FAM234A: variants seen among roughly 807,000 people sequenced by gnomAD.
FAM234A encodes family with sequence similarity 234 member A.
A neutral mutation model predicts 49.1 loss-of-function variants in FAM234A; 42 were observed. The observed-to-expected ratio is 0.86, with a 90% CI of 0.67 to 1.11. The LOEUF is 1.11. Ranked by LOEUF, FAM234A falls within the 50% of genes least tolerant of loss-of-function variation. The pLI is 0.00. For missense variants in FAM234A, 815 were observed against 745.2 expected (o/e 1.09, Z -1.09); for synonymous variants, 369 against 316.2 (o/e 1.17, Z -1.77).
chr16:259,999 C>T lies in FAM234A; in HGVS notation c.416C>T (p.Ala139Val), dbSNP rs78001048. Residue 139 changes from alanine to valine, a missense_variant, in exon 5 of 13, where the codon GCT becomes GTT. Physicochemically the swap from Ala to Val is moderately conservative, Grantham distance 64 (BLOSUM62 0). Coordinates refer to ENST00000399932, the MANE Select transcript of FAM234A (RefSeq NM_032039.4). ...GFSSPCTFAA[A>V]VSGANGSTLW... Reference sequence around the variant, plus strand: ...TCCTCTCCCTGCACCTTTGCAGCTGCTGTGTCGGGGGCCAACGGCAGCACG... The same window carrying T: ...TCCTCTCCCTGCACCTTTGCAGCTGTTGTGTCGGGGGCCAACGGCAGCACG... 4.1e-3 allele frequency: 6,551 copies of T among 1,613,646 alleles called. 297 individuals are homozygous for T. In the East Asian group the frequency reaches 0.1, roughly 25 times the overall value.
chr16:239,476 G>A (rs1265701607), intron 1 of FAM234A, among the ~76,000 whole-genome samples: 10 of 150,426 alleles, frequency 6.6e-5, no homozygotes, highest in Admixed American at 2.7e-4. Flanking sequence ...CTAGTCGGAC[G>A]TGGTGGCGGG....
At chr16:259,448 G>A (rs201639174) in intron 3 of FAM234A, 35 bp from the exon 4 acceptor site, 6 of 1,236,910 alleles carry the variant, frequency 4.9e-6, no homozygotes, top group Middle Eastern at 1.9e-4. Context: ...ACCAGGCATG[G>A]CCCGCGGAGT....
chr16:264,880 C>A lies in FAM234A; in HGVS notation c.1517C>A (p.Pro506His), dbSNP rs754058532. Residue 506 changes from proline to histidine, a missense_variant, in exon 13 of 13, where the codon CCC becomes CAC. Physicochemically the swap from Pro to His is moderately conservative, Grantham distance 77. Transcript: ENST00000399932. ...ACAGGCCCGGCAGACTCAGAGGCAC[C>A]CGGCCTGGTCTCTGTGATCAAGCAC... The part of the protein sequence containing the change: ...LLTGPADSEA[P>H]GLVSVIKHKV... 2.7e-5 allele frequency: 44 copies of A among 1,612,604 alleles called. No individual in the cohort carries two copies. The highest frequency in any genetic ancestry group is 3.6e-5 in the Non-Finnish European group (42 of 1,179,984).
downstream of FAM234A, chr16:269,342 C>A: frequency 6.2e-7 from 1 of 1,603,450 alleles, no homozygotes; most frequent in Non-Finnish European, 8.5e-7. Context: ...GAGTGCAGGG[C>A]TGGGGCTCGA....
At chr16:253,182 A>G (rs1247589307) in intron 2 of FAM234A, among the ~76,000 whole-genome samples, 6 of 152,036 alleles carry the variant, frequency 3.9e-5, no homozygotes, top group African/African-American at 9.6e-5. Flanking sequence ...GGTTTCTAAG[A>G]CGGCGACTGC....
At position 241,905 on chromosome 16, in the gene FAM234A, CAAAA is replaced by C. The variant is rs370983209; in HGVS notation, c.-140+7063_-140+7066del. Among the ~76,000 whole-genome samples the C allele has an allele frequency of 3.3e-4, 26 of 79,066 alleles. 1 individual carries two copies. Among genetic ancestry groups the C allele is most frequent in the Non-Finnish European group, 2.6e-4 (9 of 35,240 alleles). The allele number at this position is 79,066 out of a possible 152,430, so 51.9% of individuals were successfully genotyped here. A position where few individuals can be genotyped will look rare whatever the true frequency, so the allele number is the denominator to read the frequency against. On this transcript the variant is annotated intron_variant, in intron 1 of 12. Coordinates refer to ENST00000399932, the MANE Select transcript of FAM234A (RefSeq NM_032039.4). ...TGGGCGACAGAGCGAGACAACGTCT[CAAAA>C]AAAAAAAAAAAAAAGGCAATTAGAA...
At chr16:246,630 AG>A (rs1371496949) in intron 1 of FAM234A, among the ~76,000 whole-genome samples, 98 of 151,066 alleles carry the variant, frequency 6.5e-4, no homozygotes, top group Admixed American at 6.5e-3. Context: ...CGTGTTAGCC[AG>A]GATGGTCTCA....
At chr16:237,935 C>T (rs181249895) in intron 1 of FAM234A, among the ~76,000 whole-genome samples, 98 of 151,992 alleles carry the variant, frequency 6.4e-4, no homozygotes, top group African/African-American at 2.2e-3. Context: ...AACTCCTGGC[C>T]TCAGGTGATC....
At chr16:252,831 G>A (rs947370951) in intron 2 of FAM234A, among the ~76,000 whole-genome samples, 1 of 152,166 alleles carries the variant, frequency 6.6e-6, no homozygotes, top group African/African-American at 2.4e-5. Flanking sequence ...CAGAGGGTGC[G>A]GCTTTCAGCT....
chr16:236,033 A>G (rs1247254472), intron 1 of FAM234A, among the ~76,000 whole-genome samples: 1 of 151,854 alleles, frequency 6.6e-6, no homozygotes, highest in African/African-American at 2.4e-5. Context: ...GGTGCCGGTA[A>G]TCCCAGTTAC....
chr16:269,351 G>C (rs145594617), downstream of FAM234A: 3 of 1,603,444 alleles, frequency 1.9e-6, no homozygotes, highest in African/African-American at 1.3e-5. Context: ...GCTGGGGCTC[G>C]AGTGCCGTGG....
intron 1 of FAM234A, 52 bp from the exon 2 acceptor site, chr16:249,497 A>C (rs1299585208): frequency 6.6e-6 from 1 of 151,962 alleles, no homozygotes; most frequent in African/African-American, 2.4e-5. Flanking sequence ...CTGACCTGCC[A>C]CCTTCGCAGG....
In FAM234A at chr16:264,713, G is replaced by T; in HGVS notation, c.1444G>T (p.Asp482Tyr). The change falls in exon 12 of 13, where the codon GAC becomes TAC. Residue 482 changes from aspartate (D) to tyrosine (Y), a missense_variant. Physicochemically the swap from Asp to Tyr is radical, Grantham distance 160. Coordinates refer to ENST00000399932, the MANE Select transcript of FAM234A (RefSeq NM_032039.4). ...ANVSTHIVAF[D>Y]AVLFEPSRHA... The stretch of plus-strand genomic sequence containing the variant: ...TGTCTCTACCCACATTGTCGCCTTT[G>T]ACGGTGAGTGTGGCCTCGGCCAGGG... 1 of 1,611,346 alleles carries T rather than the reference G, an allele frequency of 6.2e-7. No individual in the cohort carries two copies.
chr16:259,547 T>A lies in FAM234A; in HGVS notation c.333T>A (p.Leu111=). 1 of 1,613,246 alleles carries A rather than the reference T, an allele frequency of 6.2e-7. No homozygotes were observed. Among genetic ancestry groups the A allele is most frequent in the Non-Finnish European group, 8.5e-7 (1 of 1,179,146 alleles). ...ACAGGATCCAAGATGTTCTTTTTCT[T>A]TATAAAAACACCAACAGCAGCAACA... ...NGDRIQDVLF[L]YKNTNSSNNF... Residue 111 remains leucine, a synonymous_variant, in exon 4 of 13, where the codon CTT becomes CTA. Coordinates refer to ENST00000399932, the MANE Select transcript of FAM234A (RefSeq NM_032039.4).
Position 264,861 on chromosome 16 carries a change from C to G in FAM234A, c.1498C>G (p.Pro500Ala). ...RHAAYILLTG[P>A]ADSEAPGLVS... is the part of the protein sequence containing the mutation. Reference sequence around the variant, plus strand: ...CGCCGCCTACATCCTTCTGACAGGCCCGGCAGACTCAGAGGCACCCGGCCT... The same window carrying G: ...CGCCGCCTACATCCTTCTGACAGGCGCGGCAGACTCAGAGGCACCCGGCCT... The change falls in exon 13 of 13, where the codon CCG becomes GCG. Residue 500 changes from proline to alanine, a missense_variant. By Grantham distance (27) the Pro-to-Ala change is conservative. Transcript: ENST00000399932. The G allele has an allele frequency of 1.2e-6, 2 of 1,612,226 alleles. No homozygotes were observed. The highest frequency in any genetic ancestry group is 1.7e-6 in the Non-Finnish European group (2 of 1,179,954).
At chr16:244,854 ATTT>A (rs1203898846) in intron 1 of FAM234A, among the ~76,000 whole-genome samples, 1 of 147,274 alleles carries the variant, frequency 6.8e-6, no homozygotes, top group African/African-American at 2.5e-5. Context: ...CGCCCGGCTA[ATTT>A]TTTTTTGTAT....
At chr16:242,836 A>G (rs976013686) in intron 1 of FAM234A, among the ~76,000 whole-genome samples, 5 of 149,894 alleles carry the variant, frequency 3.3e-5, no homozygotes, top group Non-Finnish European at 7.4e-5. Context: ...TTGGTCTCGA[A>G]CTCCTGACCT....
In FAM234A at chr16:259,464, C is replaced by G. The variant is rs770127542; in HGVS notation, c.269-19C>G. On this transcript the variant is annotated intron_variant, in intron 3 of 12. Transcript: ENST00000399932. ...CCAGGCATGGCCCGCGGAGTATAGTCTGTGGTTTTCTCTTTCAGTTATCTA... is the reference window on the plus strand; with the variant it reads ...CCAGGCATGGCCCGCGGAGTATAGTGTGTGGTTTTCTCTTTCAGTTATCTA... 1 of 1,395,484 alleles carries G rather than the reference C, an allele frequency of 7.2e-7. No homozygotes were observed. The highest frequency in any genetic ancestry group is 1.7e-5 in the Admixed American group (1 of 59,418). 86.4% of individuals were successfully genotyped at this position (1,395,484 alleles called of 1,614,324 possible).
rs1368293957 is a variant in FAM234A at position 254,265 on chromosome 16, C to T, written c.-33-116C>T. The stretch of plus-strand genomic sequence containing the variant: ...TAGCTTTTATTTCCTGGGCTGGTGG[C>T]CCATAGTTAGAGCTGCAGCCAGTCC... On this transcript the variant is annotated intron_variant, in intron 2 of 12. Coordinates refer to ENST00000399932, the MANE Select transcript of FAM234A (RefSeq NM_032039.4). 3.9e-6 allele frequency: 3 copies of T among 760,300 alleles called. No individual in the cohort carries two copies. In the African/African-American group the frequency reaches 5.2e-5, roughly 13 times the overall value. The allele number at this position is 760,300 out of a possible 1,614,324, so 47.1% of individuals were successfully genotyped here.
Sources: allele counts gnomAD v4.1 joint callset (sites outside exome capture counted in the v4.1 genomes callset), GRCh38; gene constraint gnomAD v4.1.1; transcripts MANE v1.5; gene names NCBI Gene and HGNC (gene_info 2026-07-23, HGNC 2026-07-21).